Variants in MED27 observed in about 807,000 individuals in gnomAD.
MED27 encodes mediator complex subunit 27.
A neutral mutation model predicts 38.2 loss-of-function variants in MED27; 30 were observed. That is an observed-to-expected ratio of 0.79 (90% CI 0.59 to 1.07). MED27 has a LOEUF of 1.07. Among genes scored for constraint, MED27 ranks in the 50% least tolerant of loss-of-function variants. MED27 has a pLI of 0.00. For missense variants in MED27, 289 were observed against 397.5 expected, an observed-to-expected ratio of 0.73 and a Z score of 2.32; for synonymous variants, 122 against 153.5, an observed-to-expected ratio of 0.79 and a Z score of 1.52.
intron 6 of MED27, among the ~76,000 whole-genome samples, chr9:131,871,871 A>G (rs1196337732): frequency 6.6e-6 from 1 of 152,108 alleles, no homozygotes; most frequent in Non-Finnish European, 1.5e-5. Context: ...TTTTCTGAAT[A>G]CTTTCAACTT....
At chr9:131,953,922 A>G (rs1831046274) in intron 3 of MED27, among the ~76,000 whole-genome samples, 1 of 149,654 alleles carries the variant, frequency 6.7e-6, no homozygotes, top group African/African-American at 2.5e-5. Flanking sequence ...GGTTCAAGTG[A>G]TTCTTGTGCC....
rs35317329 is a variant in MED27 at position 131,937,829 on chromosome 9, C to CT, written c.573+1551dup. ...AATTTGTACATTTAACTGAGGCAGA[C>CT]TTTTTTTTTTTTTTGAGACAGAGTC... is the stretch of plus-strand genomic sequence containing the variant. On this transcript the variant is annotated intron_variant, in intron 4 of 7. Transcript: ENST00000292035. 6.8e-3 allele frequency among the ~76,000 whole-genome samples: 994 copies of CT among 145,422 alleles called. 3 individuals are homozygous for CT. Among genetic ancestry groups the CT allele is most frequent in the Non-Finnish European group, 7.4e-3 (491 of 66,134 alleles).
intron 6 of MED27, among the ~76,000 whole-genome samples, chr9:131,867,428 G>A (rs1306559323): frequency 6.6e-6 from 1 of 152,220 alleles, no homozygotes; most frequent in Non-Finnish European, 1.5e-5. Context: ...CTTGAGTTGT[G>A]CAGAACTACA....
intron 4 of MED27, among the ~76,000 whole-genome samples, chr9:131,933,536 C>A (rs1830629689): frequency 6.6e-6 from 1 of 151,786 alleles, no homozygotes; most frequent in South Asian, 2.1e-4. Context: ...CTGGAATCAA[C>A]CAAAGAAACA....
At chr9:131,918,334 T>C (rs1233722976) in intron 4 of MED27, among the ~76,000 whole-genome samples, 3 of 152,224 alleles carry the variant, frequency 2.0e-5, no homozygotes, top group Non-Finnish European at 4.4e-5. Context: ...TTGTGGAATC[T>C]TAGGGAAACT....
intron 6 of MED27, among the ~76,000 whole-genome samples, chr9:131,882,292 C>G (rs1439917082): frequency 6.6e-6 from 1 of 152,162 alleles, no homozygotes; most frequent in African/African-American, 2.4e-5. Flanking sequence ...GTCCATGACG[C>G]CCCTCTGATC....
chr9:132,015,331 G>A (rs1832578404), intron 2 of MED27, among the ~76,000 whole-genome samples: 1 of 152,136 alleles, frequency 6.6e-6, no homozygotes, highest in East Asian at 1.9e-4. Context: ...AATGTGTCTG[G>A]TGCCAGCATC....
chr9:131,931,249 A>G (rs1830580903), intron 4 of MED27, among the ~76,000 whole-genome samples: 1 of 152,174 alleles, frequency 6.6e-6, no homozygotes, highest in Admixed American at 6.6e-5. Context: ...TATCTCAAAA[A>G]TAAATAAATA....
chr9:131,956,139 T>G (rs1223965567), intron 3 of MED27, among the ~76,000 whole-genome samples: 2 of 152,228 alleles, frequency 1.3e-5, no homozygotes, highest in African/African-American at 4.8e-5. Flanking sequence ...GCTAAAGGTA[T>G]GAACCTTGGG....
intron 2 of MED27, among the ~76,000 whole-genome samples, chr9:132,022,198 T>C (rs1031221353): frequency 2.0e-5 from 3 of 152,154 alleles, no homozygotes; most frequent in Admixed American, 1.3e-4. Context: ...ATGTTTCTAC[T>C]GGGGGAAGAA....
intron 2 of MED27, among the ~76,000 whole-genome samples, chr9:132,067,865 C>T (rs1198671005): frequency 2.0e-5 from 3 of 152,216 alleles, no homozygotes; most frequent in African/African-American, 7.2e-5. Context: ...GCACCCGCCA[C>T]TATGCTTGGC....
intron 2 of MED27, chr9:132,032,233 T>C (rs1432613473): frequency 6.6e-6 from 1 of 152,212 alleles, no homozygotes; most frequent in African/African-American, 2.4e-5. Flanking sequence ...ATAGAAAAAT[T>C]AGACAGGCAA....
intron 2 of MED27, among the ~76,000 whole-genome samples, chr9:132,075,087 A>G (rs540668249): frequency 5.3e-5 from 8 of 152,376 alleles, no homozygotes; most frequent in African/African-American, 1.9e-4. Flanking sequence ...TTAGAAAAAT[A>G]CATACAGTTT....
intron 4 of MED27, among the ~76,000 whole-genome samples, chr9:131,928,626 C>T (rs1338103791): frequency 1.3e-5 from 2 of 152,190 alleles, no homozygotes; most frequent in East Asian, 3.9e-4. Flanking sequence ...GAGAGTAAAG[C>T]CATGCTGGGC....
At chr9:131,910,085 G>T (rs956615694) in intron 4 of MED27, among the ~76,000 whole-genome samples, 1 of 152,168 alleles carries the variant, frequency 6.6e-6, no homozygotes, top group Non-Finnish European at 1.5e-5. Context: ...TGATCACCAC[G>T]ATATAAGGGG....
At chr9:132,079,234 G>A (rs1834120735) in intron 1 of MED27, among the ~76,000 whole-genome samples, 1 of 152,266 alleles carries the variant, frequency 6.6e-6, no homozygotes, top group African/African-American at 2.4e-5. Context: ...ATCAGATCGG[G>A]TGCACTTGGG....
intron 4 of MED27, among the ~76,000 whole-genome samples, chr9:131,907,893 G>A (rs1220061305): frequency 1.3e-5 from 2 of 148,706 alleles, no homozygotes; most frequent in Middle Eastern, 3.5e-3. Context: ...TGTGAGGAGC[G>A]CCTCTGCCCG....
chr9:131,953,670 T>C (rs1831040703), intron 3 of MED27, among the ~76,000 whole-genome samples: 2 of 152,130 alleles, frequency 1.3e-5, no homozygotes, highest in South Asian at 4.1e-4. Context: ...GCAAAAATTC[T>C]ACAGTTGGTT....
intron 4 of MED27, among the ~76,000 whole-genome samples, chr9:131,898,870 C>A (rs1829879294): frequency 6.6e-6 from 1 of 152,232 alleles, no homozygotes; most frequent in Non-Finnish European, 1.5e-5. Flanking sequence ...TAGGCATGAG[C>A]CACTGCGCCC....
Sources: allele counts gnomAD v4.1 joint callset (sites outside exome capture counted in the v4.1 genomes callset), GRCh38; gene constraint gnomAD v4.1.1; transcripts MANE v1.5; gene names NCBI Gene and HGNC (gene_info 2026-07-23, HGNC 2026-07-21).